Variants in NFKB1 observed in about 807,000 individuals in gnomAD.
NFKB1 encodes nuclear factor NF-kappa-B p105 subunit.
NFKB1 carries 9 observed loss-of-function variants against 105.1 expected under a neutral mutation model. That is an observed-to-expected ratio of 0.09 (90% CI 0.05 to 0.15). The LOEUF (loss-of-function observed/expected upper bound fraction) is 0.15, where lower values mean the gene tolerates loss of function less well. Ranked by LOEUF, NFKB1 falls within the 10% of genes least tolerant of loss-of-function variation. The pLI, the probability that NFKB1 is intolerant of heterozygous loss-of-function variation, is 1.00. For synonymous variants in NFKB1, 440 were observed against 442.2 expected, an observed-to-expected ratio of 1.00 and a Z score of 0.06; for missense variants, 830 against 1,203.7, an observed-to-expected ratio of 0.69 and a Z score of 4.59.
At chr4:102,520,436 C>G (rs1740490051) in intron 1 of NFKB1, among the ~76,000 whole-genome samples, 1 of 152,114 alleles carries the variant, frequency 6.6e-6, no homozygotes, top group South Asian at 2.1e-4. Context: ...GTATATGTAT[C>G]TGCCATACCT....
At chr4:102,533,756 T>C in intron 3 of NFKB1, 89 bp from the exon 4 acceptor site, 1 of 1,060,626 alleles carries the variant, frequency 9.4e-7, no homozygotes, top group East Asian at 2.5e-5. Context: ...AAAAACATAA[T>C]TTCAGTTTTT....
intron 15 of NFKB1, among the ~76,000 whole-genome samples, chr4:102,598,589 T>C (rs987736509): frequency 8.5e-5 from 13 of 152,208 alleles, no homozygotes; most frequent in Admixed American, 6.5e-4. Context: ...GGCCTTGTTA[T>C]ACAGTATGAG....
intron 11 of NFKB1, among the ~76,000 whole-genome samples, chr4:102,589,669 T>C (rs1424177573): frequency 6.6e-6 from 1 of 152,156 alleles, no homozygotes; most frequent in Non-Finnish European, 1.5e-5. Context: ...TCGAAGTTCT[T>C]TCTGAACATA....
chr4:102,531,339 T>A (rs1166717866), intron 3 of NFKB1, among the ~76,000 whole-genome samples: 1 of 152,180 alleles, frequency 6.6e-6, no homozygotes, highest in Non-Finnish European at 1.5e-5. Flanking sequence ...TGTTAGTTGT[T>A]GTTACACCAT....
Position 102,607,280 on chromosome 4 carries a change from G to A in NFKB1, c.2085G>A (p.Glu695=), listed in dbSNP as rs752940315. 53 of 1,613,988 alleles carry A rather than the reference G, an allele frequency of 3.3e-5. 1 individual carries two copies. In the Middle Eastern group the frequency reaches 1.6e-3, roughly 50 times the overall value. The part of the protein sequence containing the change: ...SGRTALHLAV[E]HDNISLAGCL... ...GCACAGCACTGCACCTGGCTGTGGAGCACGACAACATCTCATTGGCAGGCT... is the reference window on the plus strand; with the variant it reads ...GCACAGCACTGCACCTGGCTGTGGAACACGACAACATCTCATTGGCAGGCT... The change falls in exon 18 of 24, where the codon GAG becomes GAA. Residue 695 remains glutamate (E), a synonymous_variant. Transcript: ENST00000226574.
intron 5 of NFKB1, among the ~76,000 whole-genome samples, chr4:102,551,471 G>A (rs1000847983): frequency 1.3e-5 from 2 of 152,104 alleles, no homozygotes; most frequent in African/African-American, 4.8e-5. Context: ...TTCTCTGTTT[G>A]TGATAGAATG....
intron 13 of NFKB1, 110 bp from the exon 14 acceptor site, chr4:102,596,028 C>A: frequency 1.6e-6 from 1 of 617,234 alleles, no homozygotes; most frequent in Non-Finnish European, 2.6e-6. Context: ...TTTTTCTTTT[C>A]CTTTTGCAGC....
chr4:102,598,189 C>G (rs775427111), intron 15 of NFKB1, among the ~76,000 whole-genome samples: 9 of 152,184 alleles, frequency 5.9e-5, no homozygotes, highest in Non-Finnish European at 1.3e-4. Context: ...TGTGACTGCT[C>G]CAGCCCATAT....
At chr4:102,538,026 T>G in intron 5 of NFKB1, 70 bp downstream of exon 5, 1 of 957,416 alleles carries the variant, frequency 1.0e-6, no homozygotes, top group Non-Finnish European at 1.7e-6. Flanking sequence ...TCCAAGGAAT[T>G]GCTTTAAATG....
At chr4:102,574,663 A>G (rs538649702) in intron 6 of NFKB1, among the ~76,000 whole-genome samples, 25 of 152,170 alleles carry the variant, frequency 1.6e-4, no homozygotes, top group Non-Finnish European at 3.1e-4. Context: ...GGTTCACCTT[A>G]TTTATTTCCC....
chr4:102,605,957 CTTAAT>C (rs1727683470), intron 16 of NFKB1, among the ~76,000 whole-genome samples: 1 of 152,098 alleles, frequency 6.6e-6, no homozygotes, highest in South Asian at 2.1e-4. Flanking sequence ...AAAACATAGC[CTTAAT>C]TTGATTTGTT....
Position 102,616,624 on chromosome 4 carries a change from C to T in NFKB1, c.*30C>T, listed in dbSNP as rs778438740. On this transcript the variant is annotated 3_prime_UTR_variant, in exon 24 of 24. Coordinates refer to ENST00000226574, the MANE Select transcript of NFKB1 (RefSeq NM_003998.4). ...CTGACAATTTCCCACACCGTGTAAA[C>T]CAAAGCCCTAAAATTCCACTGCGTT... The T allele has an allele frequency of 6.2e-7, 1 of 1,606,912 alleles. No individual in the cohort carries two copies. Among genetic ancestry groups the T allele is most frequent in the South Asian group, 1.1e-5 (1 of 90,518 alleles).
At chr4:102,601,710 C>G (rs1195867427) in intron 16 of NFKB1, among the ~76,000 whole-genome samples, 4 of 152,214 alleles carry the variant, frequency 2.6e-5, no homozygotes, top group African/African-American at 9.6e-5. Flanking sequence ...GGCAAGGAGC[C>G]TGGGAGCCAC....
At chr4:102,533,656 A>T (rs1054680097) in intron 3 of NFKB1, among the ~76,000 whole-genome samples, 189 bp from the exon 4 acceptor site, 1 of 152,234 alleles carries the variant, frequency 6.6e-6, no homozygotes, top group African/African-American at 2.4e-5. Context: ...AACTATTGTT[A>T]AAATAAGGGT....
chr4:102,515,098 A>G (rs1450619926), intron 1 of NFKB1, among the ~76,000 whole-genome samples: 1 of 118,112 alleles, frequency 8.5e-6, no homozygotes, highest in African/African-American at 3.2e-5. Flanking sequence ...TAATATTATT[A>G]TTATTATTAT....
chr4:102,582,753 T>TAGA, intron 9 of NFKB1, 113 bp from the exon 10 acceptor site: 1 of 589,540 alleles, frequency 1.7e-6, no homozygotes, highest in Non-Finnish European at 2.8e-6. Flanking sequence ...TCTTGTTTTT[T>TAGA]AAAAGTGTAA....
intron 5 of NFKB1, among the ~76,000 whole-genome samples, chr4:102,544,520 T>C (rs550236250): frequency 2.0e-5 from 3 of 152,282 alleles, no homozygotes; most frequent in African/African-American, 7.2e-5. Flanking sequence ...AGGCAATTCA[T>C]TGAACAAATA....
chr4:102,531,143 T>C (rs1277711411), intron 3 of NFKB1, among the ~76,000 whole-genome samples: 3 of 152,204 alleles, frequency 2.0e-5, no homozygotes, highest in Admixed American at 1.3e-4. Context: ...TAATGTCTTG[T>C]GAATACAAAA....
chr4:102,588,942 T>C (rs1725947196), intron 11 of NFKB1, among the ~76,000 whole-genome samples: 1 of 152,164 alleles, frequency 6.6e-6, no homozygotes, highest in Non-Finnish European at 1.5e-5. Flanking sequence ...TCATAGTACA[T>C]CCCATGGTGC....
Sources: gnomAD v4.1 joint callset for allele counts (sites outside exome capture counted in the v4.1 genomes callset) on GRCh38, gnomAD v4.1.1 for gene constraint, MANE v1.5 for transcripts, NCBI Gene and HGNC (gene_info 2026-07-23, HGNC 2026-07-21) for gene names.